Variants in IGF2BP3 observed in about 807,000 individuals in gnomAD.
IGF2BP3 encodes the protein insulin-like growth factor 2 mRNA-binding protein 3.
Under a neutral mutation model 73.8 loss-of-function variants are expected in IGF2BP3, and 9 were observed. That is an observed-to-expected ratio of 0.12 (90% CI 0.07 to 0.21). The LOEUF (loss-of-function observed/expected upper bound fraction) is 0.21. Among genes scored for constraint, IGF2BP3 ranks in the 10% least tolerant of loss-of-function variants. The probability of loss-of-function intolerance (pLI) is 1.00; values close to 1 mark genes in which losing one functional copy is unlikely to be tolerated. For missense variants in IGF2BP3, 542 were observed against 714.0 expected (o/e 0.76, Z 2.75); for synonymous variants, 258 against 256.7 (o/e 1.01, Z -0.05).
chr7:23,351,258 C>G (rs2128504682), intron 6 of IGF2BP3, 47 bp downstream of exon 6: 1 of 1,601,678 alleles, frequency 6.2e-7, no homozygotes, highest in Non-Finnish European at 8.5e-7. Context: ...TACTAAGATT[C>G]CAAGGGGAAT....
intron 2 of IGF2BP3, among the ~76,000 whole-genome samples, chr7:23,422,151 C>A (rs928060981): frequency 1.3e-5 from 2 of 152,120 alleles, no homozygotes; most frequent in African/African-American, 4.8e-5. Flanking sequence ...GTATTCACAC[C>A]TACACTGGCC....
At chr7:23,360,847 C>T (rs974021831) in intron 5 of IGF2BP3, among the ~76,000 whole-genome samples, 18 of 152,176 alleles carry the variant, frequency 1.2e-4, no homozygotes, top group African/African-American at 4.3e-4. Flanking sequence ...TGCTACTGAG[C>T]ACTTTGTATG....
intron 10 of IGF2BP3, among the ~76,000 whole-genome samples, chr7:23,321,086 G>A (rs2128493387): frequency 6.6e-6 from 1 of 152,210 alleles, no homozygotes; most frequent in African/African-American, 2.4e-5. Flanking sequence ...GGCCAAATAG[G>A]AACAGCTCCA....
intron 3 of IGF2BP3, among the ~76,000 whole-genome samples, chr7:23,400,702 C>G (rs909960178): frequency 2.0e-5 from 3 of 152,220 alleles, no homozygotes; most frequent in African/African-American, 7.2e-5. Flanking sequence ...ACCATAAATA[C>G]CTACACAAGC....
Position 23,415,839 on chromosome 7 carries a change from G to A in IGF2BP3, c.285+2937C>T, listed in dbSNP as rs1289733625. On this transcript the variant is annotated intron_variant, in intron 3 of 14. Transcript: ENST00000258729. ...TACTCTGGATTCTCTTTGTTCTTTCGCCTTTCAGCACCTGTGTGATTCTCC... is the reference window on the plus strand; with the variant it reads ...TACTCTGGATTCTCTTTGTTCTTTCACCTTTCAGCACCTGTGTGATTCTCC... 2.0e-5 allele frequency among the ~76,000 whole-genome samples: 3 copies of A among 152,084 alleles called. No individual in the cohort carries two copies. The East Asian group carries it at 5.8e-4, about 29-fold the overall frequency.
At chr7:23,437,622 G>A (rs764318692) in intron 2 of IGF2BP3, among the ~76,000 whole-genome samples, 2 of 152,128 alleles carry the variant, frequency 1.3e-5, no homozygotes, top group African/African-American at 2.4e-5. Flanking sequence ...CAAAAAAGCT[G>A]CTGTACATGA....
Position 23,418,798 on chromosome 7 carries a change from A to G in IGF2BP3, c.263T>C (p.Ile88Thr), listed in dbSNP as rs1175005573. Residue 88 changes from isoleucine to threonine, a missense_variant, in exon 3 of 15, where the codon ATC (isoleucine) becomes ACC (threonine). Physicochemically the swap from Ile to Thr is moderately conservative, Grantham distance 89. Around this residue, in one of 2 missense-constraint regions of IGF2BP3, gnomAD observed 239 missense variants for 241.9 expected, o/e 0.99. Coordinates refer to ENST00000258729, the MANE Select transcript of IGF2BP3 (RefSeq NM_006547.3). ...TACCTCCCACTGTAAATGAGGCGGG[A>G]TATTTCGTATCTGAAGTTTCCGAAT... ...QRIRKLQIRNIPPHLQWEVLD... is the reference protein window; with the variant it reads ...QRIRKLQIRNTPPHLQWEVLD... 1 of 1,584,776 alleles carries G rather than the reference A, an allele frequency of 6.3e-7. No individual in the cohort carries two copies. The highest frequency in any genetic ancestry group is 1.3e-5 in the African/African-American group (1 of 74,402).
At chr7:23,450,358 TG>T (rs1199050612) in intron 2 of IGF2BP3, among the ~76,000 whole-genome samples, 3 of 152,178 alleles carry the variant, frequency 2.0e-5, no homozygotes, top group African/African-American at 7.2e-5. Flanking sequence ...CTTAAAAACT[TG>T]AGTATCTGGC....
At chr7:23,408,786 A>G (rs184661635) in intron 3 of IGF2BP3, among the ~76,000 whole-genome samples, 1 of 152,236 alleles carries the variant, frequency 6.6e-6, no homozygotes, top group African/African-American at 2.4e-5. Context: ...CACAATAGCC[A>G]AAAGGTAGAA....
chr7:23,379,586 G>A (rs748220642), intron 3 of IGF2BP3, among the ~76,000 whole-genome samples: 6 of 152,178 alleles, frequency 3.9e-5, no homozygotes, highest in Admixed American at 1.3e-4. Context: ...GCAGAAGACA[G>A]TTCAGTTAAT....
chr7:23,395,605 C>G (rs1216186110), intron 3 of IGF2BP3, among the ~76,000 whole-genome samples: 1 of 150,344 alleles, frequency 6.7e-6, no homozygotes, highest in Non-Finnish European at 1.5e-5. Flanking sequence ...CTACCCCCAC[C>G]CCCCCAAAAA....
At chr7:23,392,072 C>T (rs942600190) in intron 3 of IGF2BP3, among the ~76,000 whole-genome samples, 10 of 152,146 alleles carry the variant, frequency 6.6e-5, no homozygotes, top group African/African-American at 2.4e-4. Flanking sequence ...TCACCCGCTA[C>T]ACACCCTAAC....
At chr7:23,466,351 A>G (rs563173633) in intron 2 of IGF2BP3, among the ~76,000 whole-genome samples, 22 of 152,322 alleles carry the variant, frequency 1.4e-4, no homozygotes, top group Non-Finnish European at 2.6e-4. Context: ...ACATTTCAAC[A>G]CAAGCAAGGA....
intron 2 of IGF2BP3, among the ~76,000 whole-genome samples, chr7:23,428,862 T>A (rs1188569767): frequency 1.3e-5 from 2 of 152,278 alleles, no homozygotes; most frequent in Non-Finnish European, 2.9e-5. Flanking sequence ...GTCATACATA[T>A]TTTGCTTGTA....
intron 2 of IGF2BP3, among the ~76,000 whole-genome samples, chr7:23,450,929 T>C (rs1176490575): frequency 1.3e-5 from 2 of 152,236 alleles, no homozygotes; most frequent in Non-Finnish European, 2.9e-5. Context: ...TATTTTGATG[T>C]AGCACCAAAG....
chr7:23,334,029 T>A (rs1784510336), intron 10 of IGF2BP3, among the ~76,000 whole-genome samples: 3 of 152,190 alleles, frequency 2.0e-5, no homozygotes, highest in Admixed American at 2.0e-4. Flanking sequence ...ACTTCATTCT[T>A]ATATGGGATT....
intron 3 of IGF2BP3, among the ~76,000 whole-genome samples, chr7:23,377,108 T>TA (rs574747906): frequency 5.1e-4 from 75 of 147,730 alleles, no homozygotes; most frequent in African/African-American, 9.2e-4. Flanking sequence ...TGACAAAATT[T>TA]AAAAAAAAAA....
chr7:23,457,577 T>C (rs1198935039), intron 2 of IGF2BP3, among the ~76,000 whole-genome samples: 1 of 152,228 alleles, frequency 6.6e-6, no homozygotes, highest in Non-Finnish European at 1.5e-5. Flanking sequence ...ACACCTATGC[T>C]GAACAATGCA....
intron 2 of IGF2BP3, among the ~76,000 whole-genome samples, chr7:23,445,551 G>T (rs1162919693): frequency 1.3e-5 from 2 of 152,018 alleles, no homozygotes; most frequent in Non-Finnish European, 2.9e-5. Context: ...TGGGTGTTTT[G>T]TACACAGAAA....
Sources: allele counts gnomAD v4.1 joint callset (sites outside exome capture counted in the v4.1 genomes callset), GRCh38; gene constraint gnomAD v4.1.1; regional missense constraint gnomAD v4.1.1; transcripts MANE v1.5; gene names NCBI Gene and HGNC (gene_info 2026-07-23, HGNC 2026-07-21).